NDRG3: variants seen among roughly 807,000 people sequenced by gnomAD.
The protein encoded by NDRG3 is protein NDRG3.
NDRG3 carries 23 observed loss-of-function variants against 57.2 expected under a neutral mutation model. That is an observed-to-expected ratio of 0.40 (90% CI 0.29 to 0.57). NDRG3 has a LOEUF of 0.57. Ranked by LOEUF, NDRG3 falls within the 20% of genes least tolerant of loss-of-function variation. The pLI is 0.42. For synonymous variants in NDRG3, 132 were observed against 162.6 expected (o/e 0.81, Z 1.43); for missense variants, 384 against 457.3 (o/e 0.84, Z 1.46).
At chr20:36,680,337 A>C (rs1004331506) in intron 8 of NDRG3, among the ~76,000 whole-genome samples, 2 of 151,726 alleles carry the variant, frequency 1.3e-5, no homozygotes, top group African/African-American at 4.8e-5. Context: ...ATACAAAAAA[A>C]TTAGCCGGGC....
At chr20:36,742,990 T>G (rs1985991472) in intron 1 of NDRG3, among the ~76,000 whole-genome samples, 1 of 152,228 alleles carries the variant, frequency 6.6e-6, no homozygotes, top group Non-Finnish European at 1.5e-5. Flanking sequence ...AAATTGTGAT[T>G]ACTTTGATAC....
intron 2 of NDRG3, among the ~76,000 whole-genome samples, chr20:36,714,447 T>C (rs1194682365): frequency 1.3e-5 from 2 of 149,728 alleles, no homozygotes; most frequent in African/African-American, 4.9e-5. Flanking sequence ...TTTCTTCTTT[T>C]TTTTTTTTTT....
rs142599001 is a variant in NDRG3 at position 36,715,180 on chromosome 20, A to T, written c.57+6499T>A. ...TCTACAATCAGATAATCCTCTGCAG[A>T]TTGCTGAAAAAGTACAATTTCCACT... On this transcript the variant is annotated intron_variant, in intron 2 of 15. Transcript: ENST00000349004. 5.4e-4 allele frequency among the ~76,000 whole-genome samples: 82 copies of T among 151,352 alleles called. 1 individual carries two copies. Among genetic ancestry groups the T allele is most frequent in the African/African-American group, 1.8e-3 (76 of 41,298 alleles).
chr20:36,714,443 C>CTTT (rs775474273), intron 2 of NDRG3, among the ~76,000 whole-genome samples: 2 of 124,822 alleles, frequency 1.6e-5, no homozygotes, highest in African/African-American at 2.9e-5. Context: ...TCATTTTCTT[C>CTTT]TTTTTTTTTT....
intron 3 of NDRG3, among the ~76,000 whole-genome samples, chr20:36,701,000 C>G (rs1437446847): frequency 1.3e-5 from 2 of 152,134 alleles, no homozygotes; most frequent in African/African-American, 4.8e-5. Context: ...TCTCAAACTC[C>G]TGGGCTCAAG....
chr20:36,689,391 A>G (rs1356678559), intron 3 of NDRG3, among the ~76,000 whole-genome samples: 3 of 152,208 alleles, frequency 2.0e-5, no homozygotes, highest in Non-Finnish European at 2.9e-5. Context: ...CAAATTGGGT[A>G]AGGAGCCAGG....
At chr20:36,695,508 C>A (rs138167716) in intron 3 of NDRG3, among the ~76,000 whole-genome samples, 3 of 152,148 alleles carry the variant, frequency 2.0e-5, no homozygotes, top group Non-Finnish European at 4.4e-5. Flanking sequence ...GGGAAAAGAA[C>A]GCATTCCTGG....
rs11907583 is a variant in NDRG3 at position 36,718,367 on chromosome 20, A to G, written c.57+3312T>C. On this transcript the variant is annotated intron_variant, in intron 2 of 15. Coordinates refer to ENST00000349004, the MANE Select transcript of NDRG3 (RefSeq NM_032013.4). ...GGAGCACTTACGTCTCAGGGAGAGA[A>G]AGGAGTAAGGTGGAATGTGGGAAGT... Among the ~76,000 whole-genome samples the G allele has an allele frequency of 6.6e-3, 1,002 of 152,274 alleles. 12 individuals are homozygous for G. The highest frequency in any genetic ancestry group is 0.023 in the African/African-American group (941 of 41,558).
intron 3 of NDRG3, among the ~76,000 whole-genome samples, chr20:36,689,183 A>C (rs1484513961): frequency 6.6e-6 from 1 of 152,140 alleles, no homozygotes; most frequent in Non-Finnish European, 1.5e-5. Flanking sequence ...ACAGAGCAAG[A>C]CTTCGTCTCA....
intron 3 of NDRG3, among the ~76,000 whole-genome samples, chr20:36,691,107 G>C (rs1382467984): frequency 6.6e-6 from 1 of 152,184 alleles, no homozygotes; most frequent in Admixed American, 6.5e-5. Context: ...GATTAACTCT[G>C]TCAATGAGAA....
At position 36,721,797 on chromosome 20, in the gene NDRG3, G is replaced by C. The variant is rs1984610747; in HGVS notation, c.-48-14C>G. 6 of 1,207,598 alleles carry C rather than the reference G, an allele frequency of 5.0e-6. No homozygotes were observed. The allele number at this position is 1,207,598 out of a possible 1,614,324, so 74.8% of individuals were successfully genotyped here. A position where few individuals can be genotyped will look rare whatever the true frequency, so the allele number is the denominator to read the frequency against. On this transcript the variant is annotated splice_polypyrimidine_tract_variant and intron_variant, in intron 1 of 15. Coordinates refer to ENST00000349004, the MANE Select transcript of NDRG3 (RefSeq NM_032013.4). ...AAATCAGTAACTCTGAAACAGAAAA[G>C]AAAGAAGTGAAGAAAAAGGCTTAAG...
In NDRG3 at chr20:36,671,371, C is replaced by T. The variant is rs759429203; in HGVS notation, c.558G>A (p.Val186=). 1.2e-5 allele frequency: 19 copies of T among 1,613,686 alleles called. No homozygotes were observed. Among genetic ancestry groups the T allele is most frequent in the Non-Finnish European group, 1.6e-5 (19 of 1,179,822 alleles). The change falls in exon 9 of 16, where the codon GTG becomes GTA. Residue 186 remains valine (V), a synonymous_variant. Transcript: ENST00000349004. ...SKLSGLTTNV[V]DIILAHHFGQ... ...CAAAGTGATGAGCCAAAATAATGTCCACAACATTGGTTGTCAGGCCAGAGA... is the reference window on the plus strand; with the variant it reads ...CAAAGTGATGAGCCAAAATAATGTCTACAACATTGGTTGTCAGGCCAGAGA...
intron 10 of NDRG3, 77 bp downstream of exon 10, chr20:36,666,212 A>C (rs1049702263): frequency 2.1e-5 from 23 of 1,080,948 alleles, no homozygotes; most frequent in Non-Finnish European, 2.7e-5. Context: ...GATTAGATAC[A>C]GTCCTCTCTC....
chr20:36,734,007 C>A (rs1985479980), intron 1 of NDRG3, among the ~76,000 whole-genome samples: 1 of 152,204 alleles, frequency 6.6e-6, no homozygotes, highest in Non-Finnish European at 1.5e-5. Flanking sequence ...GCACCGTGAG[C>A]TAAAACACTG....
chr20:36,673,915 C>T (rs972630039), intron 8 of NDRG3, among the ~76,000 whole-genome samples: 5 of 151,740 alleles, frequency 3.3e-5, no homozygotes, highest in Admixed American at 6.6e-5. Flanking sequence ...CCAGCCTGAC[C>T]AACATGGTGA....
chr20:36,666,595 G>C (rs1307409211), intron 9 of NDRG3, among the ~76,000 whole-genome samples: 2 of 152,130 alleles, frequency 1.3e-5, no homozygotes, highest in Non-Finnish European at 2.9e-5. Context: ...TTCTGTGTCA[G>C]ATGAGGGCAG....
intron 8 of NDRG3, among the ~76,000 whole-genome samples, chr20:36,673,036 T>A (rs903717434): frequency 2.6e-5 from 4 of 152,120 alleles, no homozygotes; most frequent in Admixed American, 6.5e-5. Context: ...GCTAATTTTT[T>A]AAATTTTTGT....
intron 5 of NDRG3, among the ~76,000 whole-genome samples, chr20:36,686,914 C>T (rs1402325773): frequency 6.6e-6 from 1 of 151,958 alleles, no homozygotes; most frequent in African/African-American, 2.4e-5. Context: ...CAGGGTCTTG[C>T]TCAGTCATCC....
intron 2 of NDRG3, among the ~76,000 whole-genome samples, chr20:36,712,107 T>G (rs992768699): frequency 6.6e-6 from 1 of 151,744 alleles, no homozygotes; most frequent in African/African-American, 2.4e-5. Context: ...TTTTTTTTGT[T>G]GTTGTTTTTT....
Sources: allele counts gnomAD v4.1 joint callset (sites outside exome capture counted in the v4.1 genomes callset), GRCh38; gene constraint gnomAD v4.1.1; transcripts MANE v1.5; gene names NCBI Gene and HGNC (gene_info 2026-07-23, HGNC 2026-07-21).